The following ASPG variants were observed in gnomAD, a reference collection of about 807,000 sequenced individuals.
ASPG encodes 60 kDa lysophospholipase.
Under a neutral mutation model 63.2 loss-of-function variants are expected in ASPG, and 53 were observed. The ratio of observed to expected loss-of-function variants is 0.84; its 90% CI spans 0.67 to 1.05. ASPG has a LOEUF of 1.05. Among genes scored for constraint, ASPG ranks in the 50% least tolerant of loss-of-function variants. The pLI is 0.00. For synonymous variants in ASPG, 370 were observed against 355.0 expected, an observed-to-expected ratio of 1.04 and a Z score of -0.48; for missense variants, 741 against 794.4, an observed-to-expected ratio of 0.93 and a Z score of 0.81.
At chr14:104,111,155 G>T (rs2037367897) in intron 13 of ASPG, 1 of 985,432 alleles carries the variant, frequency 1.0e-6, no homozygotes, top group African/African-American at 1.7e-5. Flanking sequence ...GTGCTCATGT[G>T]TGTGTGCACA....
chr14:104,107,271 G>A lies in ASPG; in HGVS notation c.1359G>A (p.Leu453=). ...RGGHTEAVTM[L]LQRGVDVNTR... ...GCCACACAGAGGCAGTCACCATGCT[G>A]CTGCAGAGAGGTGTGGACGTGAACA... Residue 453 remains leucine (L), a synonymous_variant, in exon 12 of 16, where the codon CTG becomes CTA. Transcript: ENST00000551177. 3 of 1,609,480 alleles carry A rather than the reference G, an allele frequency of 1.9e-6. No homozygotes were observed. The highest frequency in any genetic ancestry group is 1.1e-5 in the South Asian group (1 of 90,726).
intron 13 of ASPG, chr14:104,111,204 T>C: frequency 1.0e-6 from 1 of 981,350 alleles, no homozygotes; most frequent in Middle Eastern, 5.3e-4. Context: ...TGTGTGCTTG[T>C]GTGCTCCTGT....
chr14:104,086,192 C>T (rs2140968326), intron 1 of ASPG, among the ~76,000 whole-genome samples: 1 of 152,294 alleles, frequency 6.6e-6, no homozygotes, highest in East Asian at 1.9e-4. Context: ...ATTGGCCTGC[C>T]GCTCCTGCTC....
At chr14:104,098,711 T>G (rs2036735805) in intron 5 of ASPG, 142 bp from the exon 6 acceptor site, 7 of 1,316,716 alleles carry the variant, frequency 5.3e-6, no homozygotes, top group Non-Finnish European at 1.0e-6. Flanking sequence ...CCCAGGAAGG[T>G]CTCTGCCTGC....
At chr14:104,086,164 G>A (rs2140968192) in intron 1 of ASPG, among the ~76,000 whole-genome samples, 1 of 152,304 alleles carries the variant, frequency 6.6e-6, no homozygotes, top group South Asian at 2.1e-4. Flanking sequence ...GGAATATGGG[G>A]CGGGAGGGCC....
chr14:104,089,274 A>AG (rs1227743658), intron 1 of ASPG, among the ~76,000 whole-genome samples: 2 of 152,134 alleles, frequency 1.3e-5, no homozygotes, highest in Non-Finnish European at 2.9e-5. Flanking sequence ...GCACTTTGGG[A>AG]GGCTGAGGTG....
In ASPG at chr14:104,112,680, G is replaced by A; in HGVS notation, c.*136G>A. 2 of 1,531,472 alleles carry A rather than the reference G, an allele frequency of 1.3e-6. No homozygotes were observed. Among genetic ancestry groups the A allele is most frequent in the Admixed American group, 2.0e-5 (1 of 50,846 alleles). The allele number at this position is 1,531,472 out of a possible 1,614,324, so 94.9% of individuals were successfully genotyped here. A position where few individuals can be genotyped will look rare whatever the true frequency, so the allele number is the denominator to read the frequency against. On this transcript the variant is annotated 3_prime_UTR_variant, in exon 16 of 16. Coordinates refer to ENST00000551177, the MANE Select transcript of ASPG (RefSeq NM_001080464.3). ...AAGCCTGAAGGCCTTTGTTGGGCAG[G>A]ACGGCAATAAAGTCTCTGACATCCC...
At chr14:104,095,182 C>T (rs963842207) in intron 3 of ASPG, among the ~76,000 whole-genome samples, 1 of 152,196 alleles carries the variant, frequency 6.6e-6, no homozygotes, top group African/African-American at 2.4e-5. Flanking sequence ...GTCTGGGCTT[C>T]GAGGCTCGTG....
At chr14:104,101,413 G>T (rs1387880195) in intron 6 of ASPG, among the ~76,000 whole-genome samples, 1 of 152,158 alleles carries the variant, frequency 6.6e-6, no homozygotes, top group Non-Finnish European at 1.5e-5. Context: ...GGGCTGGGCT[G>T]GTCCGGGAGT....
Position 104,109,566 on chromosome 14 carries a change from G to A in ASPG, c.1520+251G>A, listed in dbSNP as rs1343240423. Among the ~76,000 whole-genome samples the A allele has an allele frequency of 6.6e-6, 1 of 151,438 alleles. No individual in the cohort carries two copies. The highest frequency in any genetic ancestry group is 2.4e-5 in the African/African-American group (1 of 41,088). ...AGCAAGGGTGTCTCTGTGTGCACAT[G>A]TGTGCATGTGTGTATGCATGTGTGT... On this transcript the variant is annotated intron_variant, in intron 13 of 15. Transcript: ENST00000551177. The surrounding 1 kb of genome is among the most constrained non-coding windows in gnomAD (Gnocchi z 4.8).
intron 6 of ASPG, among the ~76,000 whole-genome samples, chr14:104,100,303 A>G (rs1167968558): frequency 1.3e-5 from 2 of 151,956 alleles, no homozygotes; most frequent in Non-Finnish European, 2.9e-5. Context: ...GGCTCTGGGC[A>G]TGTCTGGCTG....
chr14:104,092,541 C>A, intron 1 of ASPG, 92 bp from the exon 2 acceptor site: 1 of 1,060,946 alleles, frequency 9.4e-7, no homozygotes, highest in Non-Finnish European at 1.4e-6. Flanking sequence ...GGAGCCCCAT[C>A]CCACCAGCTC....
intron 10 of ASPG, among the ~76,000 whole-genome samples, chr14:104,105,785 C>T (rs766669840): frequency 6.6e-6 from 1 of 152,146 alleles, no homozygotes; most frequent in African/African-American, 2.4e-5. Context: ...TCTGGGCTCT[C>T]CCAGGCTCTG....
rs758897293 is a variant in ASPG at position 104,104,687 on chromosome 14, A to T, written c.1002A>T (p.Leu334=). The change falls in exon 9 of 16, where the codon CTA becomes CTT. Residue 334 remains leucine (L), a synonymous_variant. Transcript: ENST00000551177. ...DMTSEAALAK[L]SYVLGQPGLS... ...CATCGGAGGCCGCCCTGGCCAAGCT[A>T]TCGTATGTGCTGGGCCAGCCAGGGC... 2 of 1,610,854 alleles carry T rather than the reference A, an allele frequency of 1.2e-6. No individual in the cohort carries two copies. Among genetic ancestry groups the T allele is most frequent in the African/African-American group, 1.3e-5 (1 of 74,866 alleles).
chr14:104,110,723 G>A lies in ASPG; in HGVS notation c.1521-779G>A, dbSNP rs1267304467. 1.1e-5 allele frequency: 11 copies of A among 985,182 alleles called. No individual in the cohort carries two copies. Among genetic ancestry groups the A allele is most frequent in the African/African-American group, 1.7e-5 (1 of 57,202 alleles). 61.0% of individuals were successfully genotyped at this position (985,182 alleles called of 1,614,324 possible). On this transcript the variant is annotated intron_variant, in intron 13 of 15. Coordinates refer to ENST00000551177, the MANE Select transcript of ASPG (RefSeq NM_001080464.3). This position sits in a 1 kb window ranked among gnomAD's most constrained non-coding sequence, Gnocchi z 4.7. Reference sequence around the variant, plus strand: ...TCCCTAAGGGCCCTCCAGAGGAGGGGGCAGCCCCTTCCTCACCAGGCCACT... The same window carrying A: ...TCCCTAAGGGCCCTCCAGAGGAGGGAGCAGCCCCTTCCTCACCAGGCCACT...
chr14:104,114,460 A>AG lies in ASPG; in HGVS notation c.*1919dup, dbSNP rs2037438253. 2 of 152,090 alleles carry AG rather than the reference A, an allele frequency of 1.3e-5. No individual in the cohort carries two copies. Among genetic ancestry groups the AG allele is most frequent in the Admixed American group, 1.3e-4 (2 of 15,250 alleles). The allele number at this position is 152,090 out of a possible 1,614,324, so 9.4% of individuals were successfully genotyped here. ...CTCGTGGGATGTAGGGCCCTACCACAGGGAGCCCCGGGACTGGGCCAGTGT... is the reference window on the plus strand; with the variant it reads ...CTCGTGGGATGTAGGGCCCTACCACAGGGGAGCCCCGGGACTGGGCCAGTGT... On this transcript the variant is annotated 3_prime_UTR_variant, in exon 16 of 16. Transcript: ENST00000551177.
rs745373973 is a variant in ASPG, at chr14:104,107,322, G to A, written c.1410G>A (p.Pro470=). The A allele has an allele frequency of 6.3e-6, 10 of 1,589,252 alleles. No individual in the cohort carries two copies. Among genetic ancestry groups the A allele is most frequent in the South Asian group, 3.4e-5 (3 of 88,060 alleles). ...CCCGGGACACGGATGGCTTCAGCCC[G>A]CTGCTGCTGGCCGTGCGGGGCAGGT... is the stretch of plus-strand genomic sequence containing the variant. The part of the protein sequence containing the change: ...VNTRDTDGFS[P]LLLAVRGRHP... Residue 470 remains proline (P), a synonymous_variant, in exon 12 of 16, where the codon CCG becomes CCA. Transcript: ENST00000551177.
At position 104,107,256 on chromosome 14, in the gene ASPG, G is replaced by A. The variant is rs759467403; in HGVS notation, c.1344G>A (p.Glu448=). Residue 448 remains glutamate, a synonymous_variant, in exon 12 of 16, where the codon GAG becomes GAA. Transcript: ENST00000551177. ...LHAAARGGHT[E]AVTMLLQRGV... is the part of the protein sequence containing the mutation. ...CGGCCGCCCGGGGAGGCCACACAGAGGCAGTCACCATGCTGCTGCAGAGAG... is the reference window on the plus strand; with the variant it reads ...CGGCCGCCCGGGGAGGCCACACAGAAGCAGTCACCATGCTGCTGCAGAGAG... 1 of 1,609,074 alleles carries A rather than the reference G, an allele frequency of 6.2e-7. No individual in the cohort carries two copies. Among genetic ancestry groups the A allele is most frequent in the South Asian group, 1.1e-5 (1 of 90,722 alleles).
intron 1 of ASPG, among the ~76,000 whole-genome samples, chr14:104,088,521 C>T (rs575415881): frequency 2.0e-5 from 3 of 152,234 alleles, no homozygotes; most frequent in Admixed American, 6.5e-5. Flanking sequence ...ACCTGCTTGC[C>T]GGCCTGTCCC....
Sources: gnomAD v4.1 joint callset for allele counts (sites outside exome capture counted in the v4.1 genomes callset) on GRCh38, gnomAD v4.1.1 for gene constraint, Gnocchi (gnomAD v3.1) non-coding constraint, MANE v1.5 for transcripts, NCBI Gene and HGNC (gene_info 2026-07-23, HGNC 2026-07-21) for gene names.